The following COBL variants were observed in gnomAD, a reference collection of about 807,000 sequenced individuals.
The protein encoded by COBL is cordon-bleu WH2 repeat protein, also known as protein cordon-bleu.
A neutral mutation model predicts 98.8 loss-of-function variants in COBL; 51 were observed. The ratio of observed to expected loss-of-function variants is 0.52; its 90% CI spans 0.41 to 0.65. The LOEUF is 0.65. Ranked by LOEUF, COBL falls within the 30% of genes least tolerant of loss-of-function variation. The pLI is 0.00. For synonymous variants in COBL, 634 were observed against 651.7 expected, an observed-to-expected ratio of 0.97 and a Z score of 0.41; for missense variants, 1,617 against 1,617.5, an observed-to-expected ratio of 1.00 and a Z score of 0.01.
intron 8 of COBL, among the ~76,000 whole-genome samples, chr7:51,039,999 G>A (rs1789011416): frequency 6.6e-6 from 1 of 152,074 alleles, no homozygotes; most frequent in Non-Finnish European, 1.5e-5. Context: ...CTCACCAGCT[G>A]AGCCTCCCTC....
intron 2 of COBL, among the ~76,000 whole-genome samples, chr7:51,208,576 T>C (rs555475573): frequency 6.6e-6 from 1 of 152,124 alleles, no homozygotes; most frequent in Non-Finnish European, 1.5e-5. Context: ...AGCGGCTCAT[T>C]GAGAACGGGC....
chr7:51,035,965 C>G (rs1012281669), intron 8 of COBL: 1 of 152,212 alleles, frequency 6.6e-6, no homozygotes, highest in African/African-American at 2.4e-5. Flanking sequence ...ATGCAATCCT[C>G]TCTCTGTATC....
intron 4 of COBL, chr7:51,187,814 G>T: frequency 3.1e-6 from 3 of 959,040 alleles, no homozygotes; most frequent in Non-Finnish European, 4.1e-6. Context: ...TCCATTCCTT[G>T]GAGTCTGGCA....
chr7:51,222,281 T>C (rs1001860607), intron 1 of COBL, among the ~76,000 whole-genome samples: 1 of 152,164 alleles, frequency 6.6e-6, no homozygotes, highest in Non-Finnish European at 1.5e-5. Flanking sequence ...AAAAGGCTTA[T>C]ACTTACAATA....
Position 51,029,137 on chromosome 7 carries a change from G to C in COBL, c.1959C>G (p.Gly653=), listed in dbSNP as rs770672012. The change falls in exon 10 of 13, where the codon GGC becomes GGG. Residue 653 remains glycine (G), a synonymous_variant. Coordinates refer to ENST00000265136, the MANE Select transcript of COBL (RefSeq NM_015198.5). ...LNAKVKDKVY[G]CADGERTQAT... Reference sequence around the variant, plus strand: ...CTTGAGTCCTCTCCCCGTCAGCACAGCCATACACTTTGTCTTTCACTTTTG... The same window carrying C: ...CTTGAGTCCTCTCCCCGTCAGCACACCCATACACTTTGTCTTTCACTTTTG... 2 of 1,614,044 alleles carry C rather than the reference G, an allele frequency of 1.2e-6. No individual in the cohort carries two copies. Among genetic ancestry groups the C allele is most frequent in the African/African-American group, 2.7e-5 (2 of 74,930 alleles).
intron 1 of COBL, among the ~76,000 whole-genome samples, chr7:51,236,027 C>T (rs529741216): frequency 6.6e-6 from 1 of 152,118 alleles, no homozygotes; most frequent in Non-Finnish European, 1.5e-5. Flanking sequence ...TCAAAAAAAA[C>T]CCTTCCCCTT....
chr7:51,051,253 T>G (rs1284241292), intron 7 of COBL, among the ~76,000 whole-genome samples: 1 of 152,244 alleles, frequency 6.6e-6, no homozygotes, highest in African/African-American at 2.4e-5. Flanking sequence ...TATGTTCACA[T>G]GATTTGTTTA....
intron 8 of COBL, among the ~76,000 whole-genome samples, chr7:51,041,148 G>A (rs1789148613): frequency 6.6e-6 from 1 of 152,218 alleles, no homozygotes; most frequent in South Asian, 2.1e-4. Context: ...CTTGTGTGGG[G>A]TAGGCAGGAA....
chr7:51,028,092 T>C lies in COBL; in HGVS notation c.3004A>G (p.Ser1002Gly). ...SCGFSGKQST[S>G]SQEASSASEP... Reference sequence around the variant, plus strand: ...GATGCTGAGCTGGCCTCCTGGCTACTTGTGCTTTGCTTTCCACTGAAACCA... The same window carrying C: ...GATGCTGAGCTGGCCTCCTGGCTACCTGTGCTTTGCTTTCCACTGAAACCA... The change falls in exon 10 of 13, where the codon AGT becomes GGT. Residue 1002 changes from serine (S) to glycine (G), a missense_variant. Around this residue, in one of 3 missense-constraint regions of COBL, gnomAD observed 1,304 missense variants for 1,282.0 expected, o/e 1.02. Coordinates refer to ENST00000265136, the MANE Select transcript of COBL (RefSeq NM_015198.5). 1 of 1,614,076 alleles carries C rather than the reference T, an allele frequency of 6.2e-7. No homozygotes were observed. Among genetic ancestry groups the C allele is most frequent in the Non-Finnish European group, 8.5e-7 (1 of 1,179,960 alleles).
chr7:51,255,495 G>A (rs992145824), intron 1 of COBL, among the ~76,000 whole-genome samples: 1 of 152,200 alleles, frequency 6.6e-6, no homozygotes, highest in East Asian at 1.9e-4. Flanking sequence ...CCCGCATCGT[G>A]TTCATCCCAT....
rs138795203 is a variant in COBL, at chr7:51,287,646, G to T, written c.41+28947C>A. On this transcript the variant is annotated intron_variant, in intron 1 of 12. Coordinates refer to ENST00000265136, the MANE Select transcript of COBL (RefSeq NM_015198.5). ...CCCACTCCTGGGTATTTACCCTAAA[G>T]AAATGAAACTGTAGGTTCACACAAA... Among the ~76,000 whole-genome samples the T allele has an allele frequency of 6.3e-3, 954 of 152,210 alleles. 14 individuals carry two copies. The highest frequency in any genetic ancestry group is 0.022 in the African/African-American group (899 of 41,536).
chr7:51,275,043 T>C (rs146038345), intron 1 of COBL, among the ~76,000 whole-genome samples: 2 of 152,336 alleles, frequency 1.3e-5, no homozygotes, highest in African/African-American at 4.8e-5. Context: ...AACCTCCATC[T>C]TCCAGGGAGA....
chr7:51,093,604 C>A lies in COBL; in HGVS notation c.958-8300G>T, dbSNP rs192504317. On this transcript the variant is annotated intron_variant, in intron 6 of 12. Transcript: ENST00000265136. ...CAGCAGGGCTGTATGAGCCAACTAT[C>A]CCCACAGCAGGGCACAATGGCTCAC... 4.2e-4 allele frequency among the ~76,000 whole-genome samples: 64 copies of A among 152,320 alleles called. No individual in the cohort carries two copies. In the East Asian group the frequency reaches 0.01, roughly 24 times the overall value.
intron 1 of COBL, among the ~76,000 whole-genome samples, chr7:51,262,054 T>C (rs1003928573): frequency 2.0e-5 from 3 of 152,074 alleles, no homozygotes; most frequent in Non-Finnish European, 4.4e-5. Flanking sequence ...GGGATGGAGC[T>C]GGAGAGGGGT....
At chr7:51,227,642 G>A (rs1794336288) in intron 1 of COBL, among the ~76,000 whole-genome samples, 1 of 152,116 alleles carries the variant, frequency 6.6e-6, no homozygotes, top group African/African-American at 2.4e-5. Context: ...ACATGCCCCT[G>A]AGTCTCAGAC....
intron 8 of COBL, among the ~76,000 whole-genome samples, chr7:51,042,592 G>A (rs1036247599): frequency 6.6e-6 from 1 of 152,084 alleles, no homozygotes; most frequent in Non-Finnish European, 1.5e-5. Flanking sequence ...GAACTCCTGG[G>A]CTCAAGCAAT....
intron 1 of COBL, among the ~76,000 whole-genome samples, chr7:51,275,600 C>A (rs1474244562): frequency 4.6e-5 from 7 of 152,004 alleles, no homozygotes; most frequent in Non-Finnish European, 1.0e-4. Flanking sequence ...CCACCTGCCA[C>A]CACCACCACC....
At chr7:51,041,478 C>CTTTTTTTTTTTTTTTTTT (rs773830122) in intron 8 of COBL, among the ~76,000 whole-genome samples, 1 of 80,024 alleles carries the variant, frequency 1.2e-5, no homozygotes, top group Non-Finnish European at 2.2e-5. Context: ...TATTTCTTTC[C>CTTTTTTTTTTTTTTTTTT]TTTTTTTTTT....
At chr7:51,078,874 T>C (rs991934068) in intron 7 of COBL, among the ~76,000 whole-genome samples, 1 of 152,212 alleles carries the variant, frequency 6.6e-6, no homozygotes, top group African/African-American at 2.4e-5. Context: ...CTCCCTCAGC[T>C]CCTTGCCATG....
Sources: gnomAD v4.1 joint callset for allele counts (sites outside exome capture counted in the v4.1 genomes callset) on GRCh38, gnomAD v4.1.1 for gene constraint, gnomAD v4.1.1 regional missense constraint, MANE v1.5 for transcripts, NCBI Gene and HGNC (gene_info 2026-07-23, HGNC 2026-07-21) for gene names.